The following GPAT4 variants were observed in gnomAD, a reference collection of about 807,000 sequenced individuals.
GPAT4 encodes the protein 1-AGP acyltransferase 6.
Under a neutral mutation model 58.0 loss-of-function variants are expected in GPAT4, and 17 were observed. That is an observed-to-expected ratio of 0.29 (90% CI 0.20 to 0.44). The LOEUF (loss-of-function observed/expected upper bound fraction) is 0.44. Among genes scored for constraint, GPAT4 ranks in the 20% least tolerant of loss-of-function variants. The probability of loss-of-function intolerance (pLI) is 1.00; values close to 1 mark genes in which losing one functional copy is unlikely to be tolerated. For missense variants in GPAT4, 377 were observed against 574.5 expected (o/e 0.66, Z 3.51); for synonymous variants, 204 against 210.1 (o/e 0.97, Z 0.25).
chr8:41,583,304 T>A (rs1044195197), intron 1 of GPAT4, among the ~76,000 whole-genome samples: 17 of 152,006 alleles, frequency 1.1e-4, no homozygotes, highest in African/African-American at 4.1e-4. Flanking sequence ...TGGAACTCAT[T>A]CGTTCCATTT....
chr8:41,596,300 C>T (rs1802930599), intron 1 of GPAT4, among the ~76,000 whole-genome samples: 1 of 152,200 alleles, frequency 6.6e-6, no homozygotes, highest in South Asian at 2.1e-4. Context: ...AGGGCACACA[C>T]ACACTTTTAC....
chr8:41,606,686 C>T (rs932623315), intron 2 of GPAT4, among the ~76,000 whole-genome samples: 1 of 152,092 alleles, frequency 6.6e-6, no homozygotes, highest in African/African-American at 2.4e-5. Flanking sequence ...GTGGGGGCTC[C>T]GAGCATGGCC....
Position 41,609,712 on chromosome 8 carries a change from G to T in GPAT4, c.293G>T (p.Ser98Ile), listed in dbSNP as rs761795294. ...LEEEIKEIRRSGSSKALDNTP... is the reference protein window; with the variant it reads ...LEEEIKEIRRIGSSKALDNTP... ...GAAGAGATCAAAGAGATTCGTCGAAGTGGTAGTAGTAAGGCTCTGGACAAC... is the reference window on the plus strand; with the variant it reads ...GAAGAGATCAAAGAGATTCGTCGAATTGGTAGTAGTAAGGCTCTGGACAAC... Residue 98 changes from serine to isoleucine, a missense_variant, in exon 4 of 13, where the codon AGT becomes ATT. Coordinates refer to ENST00000396987, the MANE Select transcript of GPAT4 (RefSeq NM_178819.4). The T allele has an allele frequency of 2.5e-6, 4 of 1,614,102 alleles. No individual in the cohort carries two copies. In the South Asian group the frequency reaches 4.4e-5, roughly 18 times the overall value.
At chr8:41,619,870 A>G (rs1201641447) in intron 12 of GPAT4, among the ~76,000 whole-genome samples, 3 of 152,186 alleles carry the variant, frequency 2.0e-5, no homozygotes, top group African/African-American at 7.2e-5. Context: ...TTGTGCACTC[A>G]CTGTGTGCCA....
intron 1 of GPAT4, among the ~76,000 whole-genome samples, chr8:41,580,981 C>G (rs768518655): frequency 1.3e-5 from 2 of 152,192 alleles, no homozygotes; most frequent in Admixed American, 6.5e-5. Flanking sequence ...AAACAAAACT[C>G]TCTAAGCTAT....
intron 2 of GPAT4, among the ~76,000 whole-genome samples, chr8:41,600,914 G>A (rs1043460443): frequency 3.3e-5 from 5 of 151,976 alleles, no homozygotes; most frequent in Non-Finnish European, 7.4e-5. Flanking sequence ...CATCAGCATC[G>A]TAGCACGTGT....
intron 1 of GPAT4, among the ~76,000 whole-genome samples, chr8:41,592,139 G>GCTTCTTTTTTT (rs1802806331): frequency 6.6e-6 from 1 of 152,156 alleles, no homozygotes; most frequent in African/African-American, 2.4e-5. Flanking sequence ...AGGAAGCATA[G>GCTTCTTTTTTT]ACAGGGAAGC....
intron 1 of GPAT4, among the ~76,000 whole-genome samples, chr8:41,592,572 A>C (rs990253562): frequency 2.6e-5 from 4 of 152,124 alleles, no homozygotes; most frequent in Non-Finnish European, 5.9e-5. Context: ...TGTAGGTACT[A>C]ATTCTCGGGC....
In GPAT4 at chr8:41,609,732, G is replaced by A. The variant is rs934038413; in HGVS notation, c.313G>A (p.Asp105Asn). ...TCGAAGTGGTAGTAGTAAGGCTCTGGACAACACTCCAGAGTTCGAGCTCTC... is the reference window on the plus strand; with the variant it reads ...TCGAAGTGGTAGTAGTAAGGCTCTGAACAACACTCCAGAGTTCGAGCTCTC... ...IRRSGSSKAL[D>N]NTPEFELSDI... The change falls in exon 4 of 13, where the codon GAC (aspartate) becomes AAC (asparagine). Residue 105 changes from aspartate (D) to asparagine (N), a missense_variant. By Grantham distance (23) the Asp-to-Asn change is conservative (BLOSUM62 1). Coordinates refer to ENST00000396987, the MANE Select transcript of GPAT4 (RefSeq NM_178819.4). 7 of 1,613,976 alleles carry A rather than the reference G, an allele frequency of 4.3e-6. No homozygotes were observed. The highest frequency in any genetic ancestry group is 5.9e-6 in the Non-Finnish European group (7 of 1,180,048).
chr8:41,582,932 C>T lies in GPAT4; in HGVS notation c.-849+4654C>T, dbSNP rs968272542. Reference sequence around the variant, plus strand: ...ACTTAACATTTCAAATTAAAATATACAAGAAATTGGCCTGACGTGGTGGCT... The same window carrying T: ...ACTTAACATTTCAAATTAAAATATATAAGAAATTGGCCTGACGTGGTGGCT... On this transcript the variant is annotated intron_variant, in intron 1 of 12. Transcript: ENST00000396987. Among the ~76,000 whole-genome samples the T allele has an allele frequency of 2.6e-5, 4 of 152,026 alleles. 1 individual carries two copies. The highest frequency in any genetic ancestry group is 1.3e-4 in the Admixed American group (2 of 15,256).
chr8:41,610,431 A>T (rs1375856118), intron 4 of GPAT4: 1 of 1,260,226 alleles, frequency 7.9e-7, no homozygotes, highest in African/African-American at 1.5e-5. Context: ...AGGGAAGGGG[A>T]GGGCAGCAGG....
At chr8:41,620,184 C>T (rs1307415749) in intron 12 of GPAT4, among the ~76,000 whole-genome samples, 1 of 152,170 alleles carries the variant, frequency 6.6e-6, no homozygotes, top group East Asian at 1.9e-4. Flanking sequence ...TGAAAGCGGG[C>T]TTGGATTTTT....
At chr8:41,612,680 T>C in intron 7 of GPAT4, 165 bp from the exon 8 acceptor site, 1 of 593,248 alleles carries the variant, frequency 1.7e-6, no homozygotes, top group Middle Eastern at 2.9e-4. Flanking sequence ...AGTTTAAGAT[T>C]TGGGGAGTCT....
intron 7 of GPAT4, 107 bp from the exon 8 acceptor site, chr8:41,612,738 G>C: frequency 2.1e-6 from 2 of 955,258 alleles, no homozygotes; most frequent in Non-Finnish European, 3.1e-6. Flanking sequence ...GCAAGCGTTA[G>C]AAGTGAGAAG....
chr8:41,621,563 C>T lies in GPAT4; in HGVS notation c.*562C>T, dbSNP rs1803752048. On this transcript the variant is annotated 3_prime_UTR_variant, in exon 13 of 13. Coordinates refer to ENST00000396987, the MANE Select transcript of GPAT4 (RefSeq NM_178819.4). ...GAAGGGTTAGATTTTTATGCTGCTG[C>T]TGATGGGGTTACTAAAGGGAGGGGA... is the stretch of plus-strand genomic sequence containing the variant. The T allele has an allele frequency of 6.5e-6, 1 of 153,472 alleles. No individual in the cohort carries two copies. The highest frequency in any genetic ancestry group is 1.5e-5 in the Non-Finnish European group (1 of 68,946). 9.5% of individuals were successfully genotyped at this position (153,472 alleles called of 1,614,324 possible). A position where few individuals can be genotyped will look rare whatever the true frequency, so the allele number is the denominator to read the frequency against.
At chr8:41,608,066 A>G (rs954274298) in intron 2 of GPAT4, among the ~76,000 whole-genome samples, 1 of 152,228 alleles carries the variant, frequency 6.6e-6, no homozygotes, top group African/African-American at 2.4e-5. Context: ...TAGAGCCAAA[A>G]GACATCAATG....
In GPAT4 at chr8:41,609,975, A is replaced by C. The variant is rs1373555583; in HGVS notation, c.536+20A>C. The C allele has an allele frequency of 6.3e-7, 1 of 1,575,854 alleles. No individual in the cohort carries two copies. The highest frequency in any genetic ancestry group is 1.8e-5 in the Admixed American group (1 of 56,788). ...GCTCAGGTGAGGCAGGGCCTGCGGG[A>C]GTGGGGCTCGCTGCTGCCACCCCAC... On this transcript the variant is annotated intron_variant, in intron 4 of 12. Transcript: ENST00000396987.
At chr8:41,604,276 G>T (rs781030655) in intron 2 of GPAT4, among the ~76,000 whole-genome samples, 3 of 152,198 alleles carry the variant, frequency 2.0e-5, no homozygotes, top group Non-Finnish European at 4.4e-5. Context: ...CTGGCTTACA[G>T]CTCCTTTCCC....
In GPAT4 at chr8:41,621,359, A is replaced by G. The variant is rs1803745782; in HGVS notation, c.*358A>G. On this transcript the variant is annotated 3_prime_UTR_variant, in exon 13 of 13. Transcript: ENST00000396987. ...ATGGTCTTGTGCTAGAGATGGCGGT[A>G]CAAGAGTCTGTTATGCAAGCCCGTG... The G allele has an allele frequency of 4.3e-6, 1 of 234,914 alleles. No homozygotes were observed. Among genetic ancestry groups the G allele is most frequent in the Non-Finnish European group, 8.5e-6 (1 of 118,182 alleles). 14.6% of individuals were successfully genotyped at this position (234,914 alleles called of 1,614,324 possible).
Sources: allele counts gnomAD v4.1 joint callset (sites outside exome capture counted in the v4.1 genomes callset), GRCh38; gene constraint gnomAD v4.1.1; transcripts MANE v1.5; gene names NCBI Gene and HGNC (gene_info 2026-07-23, HGNC 2026-07-21).